The following SNX29 variants were observed in gnomAD, a reference collection of about 807,000 sequenced individuals.
The protein encoded by SNX29 is sorting nexin-29.
A neutral mutation model predicts 102.1 loss-of-function variants in SNX29; 78 were observed. The ratio of observed to expected loss-of-function variants is 0.76; its 90% CI spans 0.64 to 0.92. The LOEUF (loss-of-function observed/expected upper bound fraction) is 0.92, where lower values mean the gene tolerates loss of function less well. SNX29 is among the 40% of genes least tolerant of loss of function. The pLI is 0.00. For missense variants in SNX29, 1,280 were observed against 1,061.7 expected (o/e 1.21, Z -2.86); for synonymous variants, 580 against 414.5 (o/e 1.40, Z -4.85).
intron 18 of SNX29, among the ~76,000 whole-genome samples, chr16:12,468,725 C>T (rs1007811924): frequency 6.6e-6 from 1 of 152,172 alleles, no homozygotes; most frequent in Admixed American, 6.5e-5. Context: ...TACAACAGGC[C>T]ACCTGGTGGT....
chr16:12,023,433 C>G (rs1231520790), intron 3 of SNX29, among the ~76,000 whole-genome samples: 2 of 146,086 alleles, frequency 1.4e-5, no homozygotes, highest in African/African-American at 5.0e-5. Context: ...AAAAAAGTAG[C>G]TGCGCATGGT....
intron 3 of SNX29, among the ~76,000 whole-genome samples, chr16:12,020,200 G>T (rs2056977214): frequency 6.6e-6 from 1 of 151,560 alleles, no homozygotes; most frequent in East Asian, 1.9e-4. Flanking sequence ...CCGGCTCACT[G>T]TAGCCTCCGC....
intron 4 of SNX29, among the ~76,000 whole-genome samples, chr16:12,028,423 G>T (rs551795157): frequency 6.6e-6 from 1 of 152,100 alleles, no homozygotes; most frequent in Non-Finnish European, 1.5e-5. Context: ...AAGTGCAGTG[G>T]TGTGATCATG....
chr16:12,543,124 T>G (rs961042497), intron 20 of SNX29, among the ~76,000 whole-genome samples: 1 of 152,298 alleles, frequency 6.6e-6, no homozygotes, highest in African/African-American at 2.4e-5. Flanking sequence ...GCGTATCTTA[T>G]AGATGGTTTA....
chr16:12,366,011 C>T (rs1321370426), intron 16 of SNX29, among the ~76,000 whole-genome samples: 3 of 130,952 alleles, frequency 2.3e-5, no homozygotes, highest in African/African-American at 5.7e-5. Context: ...CACTGCACTC[C>T]AGCCTGGGCG....
chr16:12,399,245 T>G (rs1336888454), intron 17 of SNX29, among the ~76,000 whole-genome samples: 1 of 151,980 alleles, frequency 6.6e-6, no homozygotes, highest in Non-Finnish European at 1.5e-5. Context: ...AGAGATGGGG[T>G]TTCTTCCTGT....
At chr16:12,518,110 A>G (rs550769958) in intron 19 of SNX29, among the ~76,000 whole-genome samples, 13 of 152,258 alleles carry the variant, frequency 8.5e-5, no homozygotes, top group African/African-American at 3.1e-4. Context: ...TGGGAGGTGG[A>G]CAGAGTTCAT....
chr16:12,491,310 G>A lies in SNX29; in HGVS notation c.2178+13451G>A, dbSNP rs190186900. ...CATGAATGAGGTTCCTGGCTTATAAGGTATGCTTGTCATCAACTTGCCTAG... is the reference window on the plus strand; with the variant it reads ...CATGAATGAGGTTCCTGGCTTATAAAGTATGCTTGTCATCAACTTGCCTAG... On this transcript the variant is annotated intron_variant, in intron 19 of 20. Transcript: ENST00000566228. 1.1e-4 allele frequency among the ~76,000 whole-genome samples: 16 copies of A among 152,296 alleles called. 1 individual carries two copies. The highest frequency in any genetic ancestry group is 1.0e-3 in the Admixed American group (16 of 15,298).
chr16:12,153,338 C>T (rs909608599), intron 13 of SNX29, among the ~76,000 whole-genome samples: 5 of 152,088 alleles, frequency 3.3e-5, no homozygotes, highest in East Asian at 1.9e-4. Flanking sequence ...TCGTCTAATT[C>T]AGAGCCTTCC....
chr16:12,559,372 G>T (rs902463072), intron 20 of SNX29, among the ~76,000 whole-genome samples: 14 of 151,432 alleles, frequency 9.2e-5, no homozygotes, highest in African/African-American at 2.9e-4. Context: ...CATGCCTGAT[G>T]ATCTCTCACC....
Position 11,998,270 on chromosome 16 carries a change from A to G in SNX29, c.8-1027A>G, listed in dbSNP as rs191104624. Among the ~76,000 whole-genome samples the G allele has an allele frequency of 1.2e-3, 185 of 152,262 alleles. 1 individual carries two copies. Among genetic ancestry groups the G allele is most frequent in the African/African-American group, 4.3e-3 (179 of 41,556 alleles). Reference sequence around the variant, plus strand: ...GAATGTGCTCTGTGTCTGGTGCATCATACTCCGGGCTTTGTATCTTGCTTG... The same window carrying G: ...GAATGTGCTCTGTGTCTGGTGCATCGTACTCCGGGCTTTGTATCTTGCTTG... On this transcript the variant is annotated intron_variant, in intron 1 of 20. Coordinates refer to ENST00000566228, the MANE Select transcript of SNX29 (RefSeq NM_032167.5).
At chr16:12,105,908 G>C (rs1031377633) in intron 11 of SNX29, among the ~76,000 whole-genome samples, 4 of 152,196 alleles carry the variant, frequency 2.6e-5, no homozygotes, top group African/African-American at 9.7e-5. Flanking sequence ...ATATTTACCA[G>C]CGAGCTCAGC....
chr16:12,243,689 C>T (rs752860235), intron 14 of SNX29, among the ~76,000 whole-genome samples: 1 of 152,094 alleles, frequency 6.6e-6, no homozygotes, highest in Non-Finnish European at 1.5e-5. Flanking sequence ...TCAGGTCCAT[C>T]CATTTAGAAG....
chr16:12,489,588 T>C (rs1311877196), intron 19 of SNX29, among the ~76,000 whole-genome samples: 1 of 152,096 alleles, frequency 6.6e-6, no homozygotes, highest in Non-Finnish European at 1.5e-5. Context: ...TGGTGAAGAG[T>C]GAACAAGCTT....
chr16:12,555,632 G>A lies in SNX29; in HGVS notation c.2319-12874G>A, dbSNP rs572741413. Among the ~76,000 whole-genome samples the A allele has an allele frequency of 2.6e-5, 4 of 152,044 alleles. No individual in the cohort carries two copies. The South Asian group carries it at 6.2e-4, about 24-fold the overall frequency. On this transcript the variant is annotated intron_variant, in intron 20 of 20. Coordinates refer to ENST00000566228, the MANE Select transcript of SNX29 (RefSeq NM_032167.5). ...AGTCCAGTGTGCATGCCACACCTGA[G>A]TAACCCCACTGATGCCAGACCCTGT...
Position 12,048,540 on chromosome 16 carries a change from C to T in SNX29, c.668C>T (p.Ala223Val), listed in dbSNP as rs1269431465. 6.2e-7 allele frequency: 1 copy of T among 1,613,966 alleles called. No individual in the cohort carries two copies. The highest frequency in any genetic ancestry group is 1.1e-5 in the South Asian group (1 of 91,080). The change falls in exon 7 of 21, where the codon GCC (alanine) becomes GTC (valine). Residue 223 changes from alanine (A) to valine (V), a missense_variant. Coordinates refer to ENST00000566228, the MANE Select transcript of SNX29 (RefSeq NM_032167.5). ...GVSSLFREITASSAVSILIKP... is the reference protein window; with the variant it reads ...GVSSLFREITVSSAVSILIKP... ...AGCAGCCTGTTCAGGGAGATCACAG[C>T]CTCCTCTGCCGTCTCCATCCTCATC...
At chr16:12,170,195 G>C (rs1227005212) in intron 13 of SNX29, among the ~76,000 whole-genome samples, 1 of 152,086 alleles carries the variant, frequency 6.6e-6, no homozygotes, top group Middle Eastern at 3.2e-3. Context: ...TGAGAAGCCT[G>C]GCTCTAGATG....
At chr16:12,217,789 T>A (rs542029741) in intron 14 of SNX29, among the ~76,000 whole-genome samples, 1 of 152,342 alleles carries the variant, frequency 6.6e-6, no homozygotes, top group East Asian at 1.9e-4. Flanking sequence ...CAGGTCTAAA[T>A]CTTGGCTTCA....
intron 19 of SNX29, among the ~76,000 whole-genome samples, chr16:12,505,829 A>C (rs1455033924): frequency 6.6e-6 from 1 of 151,160 alleles, no homozygotes; most frequent in African/African-American, 2.4e-5. Flanking sequence ...CTGCCAGTCA[A>C]TTTGAGGAGT....
Sources: allele counts gnomAD v4.1 joint callset (sites outside exome capture counted in the v4.1 genomes callset), GRCh38; gene constraint gnomAD v4.1.1; transcripts MANE v1.5; gene names NCBI Gene and HGNC (gene_info 2026-07-23, HGNC 2026-07-21).